Variants in CUL4A observed in about 807,000 individuals in gnomAD.
CUL4A encodes cullin 4A.
Under a neutral mutation model 95.5 loss-of-function variants are expected in CUL4A, and 16 were observed. The observed-to-expected ratio is 0.17, with a 90% CI of 0.11 to 0.25. CUL4A has a LOEUF of 0.25. Ranked by LOEUF, CUL4A falls within the 10% of genes least tolerant of loss-of-function variation. The probability of loss-of-function intolerance (pLI) is 1.00; values close to 1 mark genes in which losing one functional copy is unlikely to be tolerated. For missense variants in CUL4A, 610 were observed against 937.0 expected (o/e 0.65, Z 4.56); for synonymous variants, 380 against 353.1 (o/e 1.08, Z -0.85).
At chr13:113,215,993 C>G (rs2040672718) in intron 2 of CUL4A, among the ~76,000 whole-genome samples, 1 of 139,514 alleles carries the variant, frequency 7.2e-6, no homozygotes, top group Non-Finnish European at 1.5e-5. Flanking sequence ...CTATGGTGGT[C>G]ACGTCCCATG....
upstream of CUL4A, chr13:113,208,685 GC>G (rs760623421): frequency 4.8e-5 from 75 of 1,568,258 alleles, no homozygotes; most frequent in South Asian, 2.3e-4. Flanking sequence ...AAGCGGGCCA[GC>G]TGGCGTCACT....
chr13:113,227,819 C>T (rs899428810), intron 3 of CUL4A, among the ~76,000 whole-genome samples, 157 bp from the exon 4 acceptor site: 3 of 151,666 alleles, frequency 2.0e-5, no homozygotes, highest in African/African-American at 4.8e-5. Context: ...GCAGGAGAAT[C>T]GCTTGAACCT....
At chr13:113,233,407 T>G (rs2041428655) in intron 6 of CUL4A, 68 bp downstream of exon 6, 2 of 1,412,124 alleles carry the variant, frequency 1.4e-6, no homozygotes, top group Non-Finnish European at 2.0e-6. Flanking sequence ...TAAATGGTTG[T>G]ACCAAAGATG....
chr13:113,260,129 G>A (rs570933926), intron 18 of CUL4A, among the ~76,000 whole-genome samples: 11 of 141,898 alleles, frequency 7.8e-5, no homozygotes, highest in Admixed American at 3.8e-4. Context: ...GCGTGAACCC[G>A]GGGGGCGGAG....
intron 4 of CUL4A, among the ~76,000 whole-genome samples, chr13:113,229,091 C>T (rs1368584665): frequency 4.6e-5 from 7 of 152,106 alleles, no homozygotes; most frequent in African/African-American, 1.7e-4. Context: ...CGCACTCCAG[C>T]CTGGGCGACA....
At chr13:113,235,018 G>C (rs371779704) in intron 7 of CUL4A, 45 bp from the exon 8 acceptor site, 1 of 1,371,972 alleles carries the variant, frequency 7.3e-7, no homozygotes, top group Non-Finnish European at 1.0e-6. Context: ...GGATAGTGTC[G>C]ACATTCTTTT....
At chr13:113,246,178 C>A in intron 15 of CUL4A, 115 bp downstream of exon 15, 1 of 745,554 alleles carries the variant, frequency 1.3e-6, no homozygotes, top group South Asian at 1.8e-5. Flanking sequence ...CCACTCAGTC[C>A]AAAATCAAAG....
At chr13:113,216,702 T>C (rs2040706944) in intron 2 of CUL4A, among the ~76,000 whole-genome samples, 1 of 152,096 alleles carries the variant, frequency 6.6e-6, no homozygotes, top group Non-Finnish European at 1.5e-5. Flanking sequence ...TATGATTGAG[T>C]GTCAAAAATC....
At chr13:113,249,944 T>C (rs144443546) in intron 15 of CUL4A, among the ~76,000 whole-genome samples, 1 of 152,348 alleles carries the variant, frequency 6.6e-6, no homozygotes, top group African/African-American at 2.4e-5. Context: ...CCGGGCTGTT[T>C]ATCTTTTGTT....
chr13:113,226,481 G>A (rs1433622619), intron 3 of CUL4A, among the ~76,000 whole-genome samples: 4 of 152,180 alleles, frequency 2.6e-5, no homozygotes, highest in Admixed American at 6.5e-5. Flanking sequence ...AGAGTGTTTC[G>A]TAAACCATAA....
intron 10 of CUL4A, among the ~76,000 whole-genome samples, chr13:113,240,342 C>G (rs1231860618): frequency 6.6e-6 from 1 of 152,160 alleles, no homozygotes; most frequent in Non-Finnish European, 1.5e-5. Context: ...CCAGAGTTGC[C>G]CAGCCCAAGA....
At position 113,232,441 on chromosome 13, in the gene CUL4A, A is replaced by G. The variant is rs545718024; in HGVS notation, c.513-736A>G. ...TACTATTACTGCCACCACCAGCACC[A>G]CTCCTGCCCTGATGTGCCAATTCCG... On this transcript the variant is annotated intron_variant, in intron 5 of 19. Coordinates refer to ENST00000375440, the MANE Select transcript of CUL4A (RefSeq NM_001008895.4). Among the ~76,000 whole-genome samples the G allele has an allele frequency of 7.7e-5, 10 of 129,424 alleles. No homozygotes were observed. In the South Asian group the frequency reaches 2.2e-3, roughly 29 times the overall value. 84.9% of individuals were successfully genotyped at this position (129,424 alleles called of 152,430 possible).
intron 3 of CUL4A, among the ~76,000 whole-genome samples, chr13:113,225,933 T>C (rs1002778965): frequency 6.6e-6 from 1 of 152,244 alleles, no homozygotes; most frequent in Non-Finnish European, 1.5e-5. Context: ...GTTTTTAATT[T>C]TCTGGCAGTG....
intron 9 of CUL4A, among the ~76,000 whole-genome samples, chr13:113,237,662 C>T (rs1286464925): frequency 2.0e-5 from 3 of 152,170 alleles, no homozygotes; most frequent in African/African-American, 7.2e-5. Context: ...ATGTTACCTT[C>T]TGAAAGTCAT....
intron 19 of CUL4A, among the ~76,000 whole-genome samples, chr13:113,262,576 G>A (rs1056343641): frequency 2.0e-5 from 3 of 152,212 alleles, no homozygotes; most frequent in African/African-American, 7.2e-5. Flanking sequence ...TTGAGTCCAG[G>A]AGGTGGAGGC....
At chr13:113,222,835 G>C (rs1016223390) in intron 3 of CUL4A, among the ~76,000 whole-genome samples, 2 of 152,172 alleles carry the variant, frequency 1.3e-5, no homozygotes, top group Admixed American at 6.5e-5. Context: ...AGGAGGCCGA[G>C]GCTGCAGTGA....
In CUL4A at chr13:113,235,044, T is replaced by C; in HGVS notation, c.766-19T>C. ...ACATTCTTTTTGTTACTGATACATTTAATTGTTTTGTTTGTAAGGTTCCAG... is the reference window on the plus strand; with the variant it reads ...ACATTCTTTTTGTTACTGATACATTCAATTGTTTTGTTTGTAAGGTTCCAG... On this transcript the variant is annotated intron_variant, in intron 7 of 19. Coordinates refer to ENST00000375440, the MANE Select transcript of CUL4A (RefSeq NM_001008895.4). 6.5e-7 allele frequency: 1 copy of C among 1,542,992 alleles called. No homozygotes were observed. Among genetic ancestry groups the C allele is most frequent in the Non-Finnish European group, 8.9e-7 (1 of 1,121,684 alleles).
chr13:113,223,762 A>G (rs564524065), intron 3 of CUL4A, among the ~76,000 whole-genome samples: 10 of 152,268 alleles, frequency 6.6e-5, no homozygotes, highest in African/African-American at 2.4e-4. Context: ...TATAGATGAA[A>G]CCCATCAGAT....
chr13:113,246,776 A>G (rs1456981400), intron 15 of CUL4A, among the ~76,000 whole-genome samples: 3 of 152,162 alleles, frequency 2.0e-5, no homozygotes, highest in Non-Finnish European at 4.4e-5. Context: ...AACCTTAACA[A>G]ATTTATTTAA....
Sources: gnomAD v4.1 joint callset for allele counts (sites outside exome capture counted in the v4.1 genomes callset) on GRCh38, gnomAD v4.1.1 for gene constraint, MANE v1.5 for transcripts, NCBI Gene and HGNC (gene_info 2026-07-23, HGNC 2026-07-21) for gene names.